Variants in DYNC1H1 observed in about 807,000 individuals in gnomAD.
DYNC1H1 encodes the protein cytoplasmic dynein 1 heavy chain 1.
DYNC1H1 carries 51 observed loss-of-function variants against 527.1 expected under a neutral mutation model. The observed-to-expected ratio is 0.10, with a 90% CI of 0.08 to 0.12. DYNC1H1 has a LOEUF of 0.12. Among genes scored for constraint, DYNC1H1 ranks in the 10% least tolerant of loss-of-function variants. DYNC1H1 has a pLI of 1.00. For synonymous variants in DYNC1H1, 2,189 were observed against 2,278.8 expected (o/e 0.96, Z 1.12); for missense variants, 2,771 against 5,971.8 (o/e 0.46, Z 17.66).
chr14:101,992,425 A>G (rs1165683400), intron 11 of DYNC1H1, among the ~76,000 whole-genome samples: 2 of 152,190 alleles, frequency 1.3e-5, no homozygotes, highest in Admixed American at 1.3e-4. Flanking sequence ...CAAGGAGTCT[A>G]CGTACAATCC....
Position 102,044,294 on chromosome 14 carries a change from G to T in DYNC1H1, c.12705G>T (p.Pro4235=). 6.2e-7 allele frequency: 1 copy of T among 1,614,100 alleles called. No individual in the cohort carries two copies. Among genetic ancestry groups the T allele is most frequent in the African/African-American group, 1.3e-5 (1 of 75,052 alleles). The part of the protein sequence containing the change: ...DTAKGRQNIS[P]DKIPWSALKT... ...CCCAGGGCAGGCAGAACATCTCACC[G>T]GATAAGATCCCGTGGTCTGCACTAA... Residue 4235 remains proline (P), a synonymous_variant, in exon 71 of 78, where the codon CCG becomes CCT. Coordinates refer to ENST00000360184, the MANE Select transcript of DYNC1H1 (RefSeq NM_001376.5). The surrounding 1 kb of genome is among the most constrained non-coding windows in gnomAD (Gnocchi z 7.1).
rs1174368858 is a variant in DYNC1H1 at position 102,029,719 on chromosome 14, C to T, written c.9642+7C>T. On this transcript the variant is annotated splice_region_variant and intron_variant, in intron 49 of 77. Transcript: ENST00000360184. This position sits in a 1 kb window ranked among gnomAD's most constrained non-coding sequence, Gnocchi z 5.3. The stretch of plus-strand genomic sequence containing the variant: ...CAAAGAGACAGTCGACCAGGTGCGT[C>T]ACAGGCACAAATTCCTCACGGGAGT... 1.9e-6 allele frequency: 3 copies of T among 1,614,196 alleles called. No individual in the cohort carries two copies. Among genetic ancestry groups the T allele is most frequent in the Admixed American group, 1.7e-5 (1 of 60,020 alleles).
In DYNC1H1 at chr14:102,032,348, G is replaced by A. The variant is rs746026558; in HGVS notation, c.9960G>A (p.Ala3320=). The change falls in exon 52 of 78, where the codon GCG becomes GCA. Residue 3320 remains alanine, a synonymous_variant. Transcript: ENST00000360184. The part of the protein sequence containing the change: ...MANPPAAVKL[A]LESICLLLGE... ...ACCCTCCTGCTGCTGTGAAGCTGGC[G>A]CTGGAGTCCATCTGCCTGCTGCTGG... 8.1e-6 allele frequency: 13 copies of A among 1,614,214 alleles called. No homozygotes were observed. The highest frequency in any genetic ancestry group is 1.6e-4 in the Middle Eastern group (1 of 6,062).
chr14:102,048,329 G>A (rs1028412039), intron 73 of DYNC1H1, 187 bp from the exon 74 acceptor site: 35 of 836,688 alleles, frequency 4.2e-5, no homozygotes, highest in Non-Finnish European at 6.2e-5. Flanking sequence ...GGGCCTCAGC[G>A]GGTTTCTGAG....
intron 43 of DYNC1H1, 79 bp downstream of exon 43, chr14:102,022,959 C>A: frequency 6.2e-7 from 1 of 1,603,628 alleles, no homozygotes; most frequent in South Asian, 1.1e-5. Flanking sequence ...AACGAATTAT[C>A]TTCTACTCAA....
intron 52 of DYNC1H1, chr14:102,032,709 TG>T (rs1005875739): frequency 5.2e-5 from 31 of 594,980 alleles, no homozygotes; most frequent in Non-Finnish European, 8.3e-5. Flanking sequence ...AAAAATGAGC[TG>T]GGCGGGGTGG....
chr14:102,022,505 CAAA>C (rs559692888), intron 42 of DYNC1H1, among the ~76,000 whole-genome samples: 2 of 68,776 alleles, frequency 2.9e-5, no homozygotes, highest in Non-Finnish European at 3.1e-5. Flanking sequence ...GACTCCGTCT[CAAA>C]AAAAAAAAAA....
Position 102,007,117 on chromosome 14 carries a change from C to T in DYNC1H1, c.5817+9C>T, listed in dbSNP as rs1044026929. 28 of 1,613,692 alleles carry T rather than the reference C, an allele frequency of 1.7e-5. No homozygotes were observed. Among genetic ancestry groups the T allele is most frequent in the Non-Finnish European group, 2.3e-5 (27 of 1,179,652 alleles). Reference sequence around the variant, plus strand: ...AAACCTTTGATTTCCAGGTGAGACACTTTATGGGATCCACCTAAAATGTAA... The same window carrying T: ...AAACCTTTGATTTCCAGGTGAGACATTTTATGGGATCCACCTAAAATGTAA... On this transcript the variant is annotated intron_variant, in intron 28 of 77. Transcript: ENST00000360184.
In DYNC1H1 at chr14:101,985,050, G is replaced by C. The variant is rs2047919191; in HGVS notation, c.1462-637G>C. On this transcript the variant is annotated intron_variant, in intron 7 of 77. Transcript: ENST00000360184. The surrounding 1 kb of genome is among the most constrained non-coding windows in gnomAD (Gnocchi z 5.9). ...CCGCCCCGGCCTCCCGAAGTGCTGG[G>C]ATTACCATGCCCAGCCCATCCAAAT... 6.6e-6 allele frequency among the ~76,000 whole-genome samples: 1 copy of C among 151,806 alleles called. No homozygotes were observed. Among genetic ancestry groups the C allele is most frequent in the Non-Finnish European group, 1.5e-5 (1 of 67,990 alleles).
At position 102,039,751 on chromosome 14, in the gene DYNC1H1, A is replaced by G; in HGVS notation, c.11690+19A>G. The G allele has an allele frequency of 1.2e-6, 2 of 1,613,900 alleles. No individual in the cohort carries two copies. Among genetic ancestry groups the G allele is most frequent in the Non-Finnish European group, 1.7e-6 (2 of 1,179,836 alleles). On this transcript the variant is annotated intron_variant, in intron 62 of 77. Coordinates refer to ENST00000360184, the MANE Select transcript of DYNC1H1 (RefSeq NM_001376.5). This position sits in a 1 kb window ranked among gnomAD's most constrained non-coding sequence, Gnocchi z 7.0. ...CCGTGGGGTAAGAGCACTCACGCCC[A>G]CAGGAGGATGCCATATTGCTGGTGG...
rs148203153 is a variant in DYNC1H1 at position 102,034,401 on chromosome 14, C to T, written c.10703C>T (p.Pro3568Leu). The change falls in exon 56 of 78, where the codon CCT (proline) becomes CTT (leucine). Residue 3568 changes from proline to leucine, a missense_variant. Coordinates refer to ENST00000360184, the MANE Select transcript of DYNC1H1 (RefSeq NM_001376.5). ...ERLRWQASSL[P>L]ADDLCTENAI... ...CTTCGCTGGCAGGCCAGCTCCTTGC[C>T]TGCTGATGACCTTTGCACAGAAAAT... 4 of 1,613,848 alleles carry T rather than the reference C, an allele frequency of 2.5e-6. No homozygotes were observed. The highest frequency in any genetic ancestry group is 2.5e-6 in the Non-Finnish European group (3 of 1,180,056).
intron 17 of DYNC1H1, 31 bp downstream of exon 17, chr14:102,000,175 C>G: frequency 5.6e-6 from 9 of 1,614,140 alleles, no homozygotes; most frequent in Non-Finnish European, 7.6e-6. Context: ...GGTGGAGAAT[C>G]CCGCTCCCCA....
rs774759609 is a variant in DYNC1H1, at chr14:102,050,062, G to C, written c.13685-9G>C. The C allele has an allele frequency of 6.2e-7, 1 of 1,614,090 alleles. No individual in the cohort carries two copies. Among genetic ancestry groups the C allele is most frequent in the Non-Finnish European group, 8.5e-7 (1 of 1,180,006 alleles). On this transcript the variant is annotated splice_polypyrimidine_tract_variant and intron_variant, in intron 76 of 77. Coordinates refer to ENST00000360184, the MANE Select transcript of DYNC1H1 (RefSeq NM_001376.5). Reference sequence around the variant, plus strand: ...CACCTCAGCCTGGGTTTTGGCTTCCGCCTCACAGGTTTGAAACTTCAAGGG... The same window carrying C: ...CACCTCAGCCTGGGTTTTGGCTTCCCCCTCACAGGTTTGAAACTTCAAGGG...
chr14:102,024,994 A>G (rs2048432472), intron 43 of DYNC1H1, among the ~76,000 whole-genome samples: 1 of 149,470 alleles, frequency 6.7e-6, no homozygotes, highest in African/African-American at 2.5e-5. Flanking sequence ...GCACCCAGCC[A>G]TTTTTTTACT....
At chr14:101,971,932 T>C (rs1434862138) in intron 1 of DYNC1H1, among the ~76,000 whole-genome samples, 2 of 152,204 alleles carry the variant, frequency 1.3e-5, no homozygotes, top group Non-Finnish European at 2.9e-5. Flanking sequence ...TGTGTCAGTA[T>C]AGCTTGCAGG....
Position 102,033,589 on chromosome 14 carries a change from CTT to C in DYNC1H1, c.10413+107_10413+108del, listed in dbSNP as rs1030730336. On this transcript the variant is annotated intron_variant, in intron 54 of 77. Coordinates refer to ENST00000360184, the MANE Select transcript of DYNC1H1 (RefSeq NM_001376.5). The surrounding 1 kb of genome is among the most constrained non-coding windows in gnomAD (Gnocchi z 5.6). ...CCATGCTGGCCTCGGTGAATTCGCT[CTT>C]TAACATCTGTAAGGCCCCGGAGGAC... 1.1e-5 allele frequency: 16 copies of C among 1,446,542 alleles called. No homozygotes were observed. In the African/African-American group the frequency reaches 2.1e-4, roughly 19 times the overall value. 89.6% of individuals were successfully genotyped at this position (1,446,542 alleles called of 1,614,324 possible). A position where few individuals can be genotyped will look rare whatever the true frequency, so the allele number is the denominator to read the frequency against.
Position 102,041,599 on chromosome 14 carries a change from C to T in DYNC1H1, c.11967C>T (p.Arg3989=), listed in dbSNP as rs2048650374. Residue 3989 remains arginine, a synonymous_variant, in exon 65 of 78, where the codon CGC becomes CGT. Transcript: ENST00000360184. The surrounding 1 kb of genome is among the most constrained non-coding windows in gnomAD (Gnocchi z 4.5). The part of the protein sequence containing the change: ...PATPIGQAIH[R]LLLIQAFRPD... ...CACCCATTGGCCAGGCCATCCACCG[C>T]CTGCTCCTGATCCAGGCTTTCCGGC... 4 of 1,614,182 alleles carry T rather than the reference C, an allele frequency of 2.5e-6. No individual in the cohort carries two copies. Among genetic ancestry groups the T allele is most frequent in the Non-Finnish European group, 3.4e-6 (4 of 1,180,048 alleles).
intron 16 of DYNC1H1, among the ~76,000 whole-genome samples, chr14:101,998,880 T>TTTTTTTTTTTGTTTTTTTTTTTTG (rs2048096754): frequency 1.2e-5 from 1 of 84,096 alleles, no homozygotes; most frequent in African/African-American, 9.6e-5. Context: ...AAACTTTTTC[T>TTTTTTTTTTTGTTTTTTTTTTTTG]TTTTTTTTTT....
intron 42 of DYNC1H1, among the ~76,000 whole-genome samples, chr14:102,021,269 T>C (rs890917932): frequency 6.6e-6 from 1 of 152,038 alleles, no homozygotes; most frequent in Non-Finnish European, 1.5e-5. Flanking sequence ...CCCAGCTACT[T>C]GGGAGGCTGA....
Sources: allele counts gnomAD v4.1 joint callset (sites outside exome capture counted in the v4.1 genomes callset), GRCh38; gene constraint gnomAD v4.1.1; non-coding constraint Gnocchi (gnomAD v3.1); transcripts MANE v1.5; gene names NCBI Gene and HGNC (gene_info 2026-07-23, HGNC 2026-07-21).